The following ACTR3B variants were observed in gnomAD, a reference collection of about 807,000 sequenced individuals.
The protein encoded by ACTR3B is actin related protein 3B.
In ACTR3B, 8 loss-of-function variants were observed where a neutral mutation model predicts 59.0. The observed-to-expected ratio is 0.14, with a 90% CI of 0.08 to 0.24. The LOEUF is 0.24. Among genes scored for constraint, ACTR3B ranks in the 10% least tolerant of loss-of-function variants. The pLI is 1.00. For synonymous variants in ACTR3B, 148 were observed against 197.9 expected, an observed-to-expected ratio of 0.75 and a Z score of 2.12; for missense variants, 245 against 552.3, an observed-to-expected ratio of 0.44 and a Z score of 5.58.
chr7:152,771,456 A>G (rs2098123686), intron 1 of ACTR3B, among the ~76,000 whole-genome samples: 1 of 152,242 alleles, frequency 6.6e-6, no homozygotes, highest in South Asian at 2.1e-4. Context: ...TACATGAGGT[A>G]GTACCAGTGG....
chr7:152,818,193 C>G (rs567058614), intron 6 of ACTR3B, among the ~76,000 whole-genome samples: 48 of 152,304 alleles, frequency 3.2e-4, no homozygotes, highest in Non-Finnish European at 6.5e-4. Context: ...GCCTGCACCC[C>G]CTTTGGTTCT....
chr7:152,833,310 C>T lies in ACTR3B; in HGVS notation c.951+8188C>T, dbSNP rs1407654506. Among the ~76,000 whole-genome samples, 6 of 152,286 alleles carry T rather than the reference C, an allele frequency of 3.9e-5. No homozygotes were observed. In the East Asian group the frequency reaches 5.8e-4, roughly 15 times the overall value. On this transcript the variant is annotated intron_variant, in intron 9 of 11. Coordinates refer to ENST00000256001, the MANE Select transcript of ACTR3B (RefSeq NM_020445.6). ...TTGGCTTGGATTTCTCCTAGGACAC[C>T]GTTGGGTATCATAACAGCCCGTATT...
chr7:152,765,127 T>TTTTA (rs57882039), intron 1 of ACTR3B, among the ~76,000 whole-genome samples: 1 of 122,620 alleles, frequency 8.2e-6, no homozygotes, highest in Non-Finnish European at 1.7e-5. Flanking sequence ...TTTTTTTTTT[T>TTTTA]TTTTCCGGAG....
intron 1 of ACTR3B, among the ~76,000 whole-genome samples, chr7:152,770,235 A>G (rs1395868944): frequency 2.0e-5 from 3 of 152,180 alleles, no homozygotes; most frequent in African/African-American, 7.2e-5. Context: ...ATCACATTTT[A>G]TGAAATTTCC....
At chr7:152,812,048 T>G (rs1316188251) in intron 4 of ACTR3B, 33 of 61,648 alleles carry the variant, frequency 5.4e-4, no homozygotes, top group African/African-American at 1.3e-3. Context: ...TTTTTTTTTT[T>G]GAGACGGAGT....
intron 9 of ACTR3B, among the ~76,000 whole-genome samples, chr7:152,842,988 A>G (rs1247700159): frequency 6.6e-6 from 1 of 152,086 alleles, no homozygotes; most frequent in Non-Finnish European, 1.5e-5. Context: ...TCATTTGTAT[A>G]TTTTCTTTTG....
chr7:152,810,408 G>GTT (rs1165466125), intron 4 of ACTR3B, among the ~76,000 whole-genome samples: 148 of 126,880 alleles, frequency 1.2e-3, no homozygotes, highest in African/African-American at 3.0e-3. Flanking sequence ...CACCCAGCCT[G>GTT]TTTTTTTTTT....
At chr7:152,780,352 CA>C (rs113559773) in intron 1 of ACTR3B, among the ~76,000 whole-genome samples, 2,008 of 130,860 alleles carry the variant, frequency 0.015, 42 homozygotes, top group African/African-American at 0.052. Context: ...AACTCTGTCT[CA>C]AAAAAAAAAA....
rs1255960573 is a variant in ACTR3B at position 152,824,335 on chromosome 7, A to G, written c.859-695A>G. 6.6e-6 allele frequency among the ~76,000 whole-genome samples: 1 copy of G among 152,260 alleles called. No individual in the cohort carries two copies. Among genetic ancestry groups the G allele is most frequent in the Non-Finnish European group, 1.5e-5 (1 of 68,038 alleles). On this transcript the variant is annotated intron_variant, in intron 8 of 11. Transcript: ENST00000256001. The surrounding 1 kb of genome is among the most constrained non-coding windows in gnomAD (Gnocchi z 4.2). ...TATGTTGATTTGAAATGGACATAGA[A>G]CAGTCAAATGTCCAGTGAACAGCTG...
intron 1 of ACTR3B, among the ~76,000 whole-genome samples, chr7:152,771,572 GA>G (rs2098123993): frequency 1.3e-5 from 2 of 152,186 alleles, no homozygotes; most frequent in Admixed American, 6.5e-5. Context: ...AGCTGTGGGA[GA>G]AGAATCCAGA....
intron 9 of ACTR3B, among the ~76,000 whole-genome samples, chr7:152,833,076 G>T (rs1049732315): frequency 6.6e-6 from 1 of 152,242 alleles, no homozygotes; most frequent in Non-Finnish European, 1.5e-5. Context: ...GGTCACACAG[G>T]ATGAGGGTCA....
chr7:152,791,994 C>T (rs1426491725), intron 2 of ACTR3B, among the ~76,000 whole-genome samples: 1 of 152,120 alleles, frequency 6.6e-6, no homozygotes, highest in Non-Finnish European at 1.5e-5. Context: ...TGGGTTCAAG[C>T]AATTCTCCTG....
chr7:152,826,595 C>T (rs1315113408), intron 9 of ACTR3B, among the ~76,000 whole-genome samples: 1 of 152,202 alleles, frequency 6.6e-6, no homozygotes, highest in African/African-American at 2.4e-5. Flanking sequence ...CTTCCCACTT[C>T]AATCCCACCT....
intron 2 of ACTR3B, among the ~76,000 whole-genome samples, chr7:152,786,729 C>G (rs1050058155): frequency 6.6e-6 from 1 of 151,952 alleles, no homozygotes; most frequent in Non-Finnish European, 1.5e-5. Flanking sequence ...TTTCTTTCCT[C>G]TGGTGGATAT....
intron 1 of ACTR3B, among the ~76,000 whole-genome samples, chr7:152,767,597 A>G (rs946297795): frequency 1.3e-5 from 2 of 152,238 alleles, no homozygotes; most frequent in Non-Finnish European, 2.9e-5. Flanking sequence ...CATTATCTGT[A>G]TAATACTGAG....
chr7:152,799,784 G>C (rs1313345556), intron 2 of ACTR3B, among the ~76,000 whole-genome samples: 1 of 152,250 alleles, frequency 6.6e-6, no homozygotes, highest in Non-Finnish European at 1.5e-5. Context: ...GAGCTCAAGA[G>C]TGTGAGCAGG....
At chr7:152,810,364 C>T (rs60843196) in intron 4 of ACTR3B, among the ~76,000 whole-genome samples, 2,209 of 151,846 alleles carry the variant, frequency 0.015, 36 homozygotes, top group African/African-American at 0.034. Flanking sequence ...GCCCCTGCCT[C>T]CCAAAGTGCT....
At chr7:152,803,103 G>A (rs1019478291) in intron 4 of ACTR3B, among the ~76,000 whole-genome samples, 16 of 152,154 alleles carry the variant, frequency 1.1e-4, no homozygotes, top group Admixed American at 2.6e-4. Flanking sequence ...TTGGAGTTCT[G>A]TGGCACAATC....
chr7:152,793,022 ATTTTTTTT>A (rs529256740), intron 2 of ACTR3B, among the ~76,000 whole-genome samples: 15 of 104,840 alleles, frequency 1.4e-4, no homozygotes, highest in Admixed American at 3.9e-4. Flanking sequence ...TAGAAGCTGA[ATTTTTTTT>A]TTTTTTTTTT....
Sources: gnomAD v4.1 joint callset for allele counts (sites outside exome capture counted in the v4.1 genomes callset) on GRCh38, gnomAD v4.1.1 for gene constraint, Gnocchi (gnomAD v3.1) non-coding constraint, MANE v1.5 for transcripts, NCBI Gene and HGNC (gene_info 2026-07-23, HGNC 2026-07-21) for gene names.